Variants in STAB2 observed in about 807,000 individuals in gnomAD.
STAB2 encodes stabilin-2.
A neutral mutation model predicts 338.1 loss-of-function variants in STAB2; 288 were observed. The ratio of observed to expected loss-of-function variants is 0.85; its 90% CI spans 0.77 to 0.94. The LOEUF (loss-of-function observed/expected upper bound fraction) is 0.94, where lower values mean the gene tolerates loss of function less well. Among genes scored for constraint, STAB2 ranks in the 40% least tolerant of loss-of-function variants. The probability of loss-of-function intolerance (pLI) is 0.00; values close to 1 mark genes in which losing one functional copy is unlikely to be tolerated. For missense variants in STAB2, 3,141 were observed against 3,210.1 expected (o/e 0.98, Z 0.52); for synonymous variants, 1,202 against 1,193.3 (o/e 1.01, Z -0.15).
chr12:103,669,370 G>A, intron 20 of STAB2, 171 bp from the exon 21 acceptor site: 1 of 611,148 alleles, frequency 1.6e-6, no homozygotes. Context: ...TAGAGTTGTG[G>A]TGACCAGATG....
rs77784802 is a variant in STAB2 at position 103,669,390 on chromosome 12, T to A, written c.2173-151T>A. 2.3e-3 allele frequency: 1,508 copies of A among 655,410 alleles called. 15 individuals are homozygous for A. In the African/African-American group the frequency reaches 0.024, roughly 10 times the overall value. The allele number at this position is 655,410 out of a possible 1,614,324, so 40.6% of individuals were successfully genotyped here. On this transcript the variant is annotated intron_variant, in intron 20 of 68. Transcript: ENST00000388887. Reference sequence around the variant, plus strand: ...TTGTGGTGACCAGATGACTGAGCACTAGCCATGCCATCAACTGCCAAAGAA... The same window carrying A: ...TTGTGGTGACCAGATGACTGAGCACAAGCCATGCCATCAACTGCCAAAGAA...
rs1420641663 is a variant in STAB2 at position 103,733,030 on chromosome 12, A to G, written c.5308A>G (p.Thr1770Ala). 1.9e-6 allele frequency: 3 copies of G among 1,613,820 alleles called. No individual in the cohort carries two copies. Among genetic ancestry groups the G allele is most frequent in the Non-Finnish European group, 2.5e-6 (3 of 1,179,924 alleles). Residue 1770 changes from threonine to alanine, a missense_variant, in exon 51 of 69, where the codon ACC becomes GCC. Coordinates refer to ENST00000388887, the MANE Select transcript of STAB2 (RefSeq NM_017564.10). Reference sequence around the variant, plus strand: ...GGACTCAGGTTTGCTGAGTGTCATCACCGATCCCATCCACACCCCAGTCAC... The same window carrying G: ...GGACTCAGGTTTGCTGAGTGTCATCGCCGATCCCATCCACACCCCAGTCAC... The part of the protein sequence containing the change: ...IQDSGLLSVI[T>A]DPIHTPVTLF...
At chr12:103,743,269 G>A (rs1566067381) in intron 56 of STAB2, among the ~76,000 whole-genome samples, 1 of 152,090 alleles carries the variant, frequency 6.6e-6, no homozygotes, top group South Asian at 2.1e-4. Flanking sequence ...TGATCCACCC[G>A]CCTCAGCCTC....
intron 44 of STAB2, among the ~76,000 whole-genome samples, chr12:103,721,274 T>A (rs1880741132): frequency 6.6e-6 from 1 of 152,132 alleles, no homozygotes; most frequent in African/African-American, 2.4e-5. Flanking sequence ...TTCCTGAATG[T>A]TAAGAAGCGG....
chr12:103,634,569 T>G (rs922470843), intron 6 of STAB2, among the ~76,000 whole-genome samples: 4 of 152,256 alleles, frequency 2.6e-5, no homozygotes, highest in African/African-American at 9.6e-5. Flanking sequence ...CATGTCACTT[T>G]TTCAAATGGC....
intron 55 of STAB2, among the ~76,000 whole-genome samples, chr12:103,741,679 T>C (rs1882595965): frequency 5.3e-5 from 8 of 152,202 alleles, no homozygotes; most frequent in Admixed American, 3.9e-4. Context: ...GGTCTCAAAC[T>C]CCTGAGCTCA....
chr12:103,749,841 C>CAGAAA (rs1883451814), intron 59 of STAB2, among the ~76,000 whole-genome samples: 1 of 51,132 alleles, frequency 2.0e-5, no homozygotes, highest in Non-Finnish European at 3.5e-5. Flanking sequence ...CTCTGTCTCA[C>CAGAAA]AAAAAAAAAA....
At chr12:103,642,155 G>A (rs559693425) in intron 9 of STAB2, among the ~76,000 whole-genome samples, 264 of 152,294 alleles carry the variant, frequency 1.7e-3, no homozygotes, top group Non-Finnish European at 2.9e-3. Flanking sequence ...TCTGCCTGTG[G>A]AGAGCTAATG....
intron 49 of STAB2, 66 bp downstream of exon 49, chr12:103,730,322 T>A: frequency 6.5e-7 from 1 of 1,527,886 alleles, no homozygotes; most frequent in South Asian, 1.2e-5. Flanking sequence ...TCTATTCTGA[T>A]TCGAAGTCAT....
At chr12:103,697,035 A>G (rs937359220) in intron 33 of STAB2, among the ~76,000 whole-genome samples, 8 of 152,156 alleles carry the variant, frequency 5.3e-5, no homozygotes, top group African/African-American at 1.9e-4. Context: ...TTTCTTATTT[A>G]ATAAGGAAAT....
chr12:103,690,525 C>T lies in STAB2; in HGVS notation c.3284C>T (p.Ala1095Val). Residue 1095 changes from alanine (A) to valine (V), a missense_variant, in exon 30 of 69, where the codon GCA (alanine) becomes GTA (valine). By Grantham distance (64) the Ala-to-Val change is moderately conservative. Coordinates refer to ENST00000388887, the MANE Select transcript of STAB2 (RefSeq NM_017564.10). ...TSLQGNFLHL[A>V]KVDGNITIEG... is the part of the protein sequence containing the mutation. ...TTGCAGGGCAACTTCCTTCACTTGG[C>T]AAAGGTGGATGGGGTAAGAGCTCTG... is the stretch of plus-strand genomic sequence containing the variant. 2.5e-6 allele frequency: 4 copies of T among 1,613,954 alleles called. No homozygotes were observed. In the South Asian group the frequency reaches 4.4e-5, roughly 18 times the overall value.
chr12:103,709,362 G>T (rs371817851), intron 39 of STAB2, among the ~76,000 whole-genome samples: 4 of 152,214 alleles, frequency 2.6e-5, no homozygotes, highest in Non-Finnish European at 5.9e-5. Flanking sequence ...GCCGTGAAAC[G>T]CTAAGGAGGT....
intron 43 of STAB2, 99 bp downstream of exon 43, chr12:103,715,987 A>C: frequency 8.1e-7 from 1 of 1,242,192 alleles, no homozygotes; most frequent in East Asian, 2.4e-5. Flanking sequence ...CGGACCTCTA[A>C]AGAGCTGCAG....
chr12:103,679,671 A>G (rs149465322), intron 25 of STAB2, among the ~76,000 whole-genome samples: 2 of 152,308 alleles, frequency 1.3e-5, no homozygotes, highest in African/African-American at 4.8e-5. Flanking sequence ...AAACTCAATT[A>G]CTTGTGGAAG....
Position 103,594,421 on chromosome 12 carries a change from C to T in STAB2, c.242C>T (p.Ser81Phe), listed in dbSNP as rs1483220522. 6.2e-7 allele frequency: 1 copy of T among 1,613,904 alleles called. No individual in the cohort carries two copies. The highest frequency in any genetic ancestry group is 8.5e-7 in the Non-Finnish European group (1 of 1,179,830). The change falls in exon 3 of 69, where the codon TCT becomes TTT. Residue 81 changes from serine to phenylalanine, a missense_variant. By Grantham distance (155) the Ser-to-Phe change is radical. Transcript: ENST00000388887. ...TACACCTTTGAGGTCAGAACATACT[C>T]TCTGTCTCTCCCCGGATGCCGCCAT... ...CRYTFEVRTY[S>F]LSLPGCRHIC...
intron 34 of STAB2, 38 bp downstream of exon 34, chr12:103,699,265 G>T: frequency 6.3e-7 from 1 of 1,584,760 alleles, no homozygotes; most frequent in Non-Finnish European, 8.6e-7. Flanking sequence ...CAATGCCACC[G>T]AGAATTACAT....
intron 28 of STAB2, among the ~76,000 whole-genome samples, chr12:103,688,618 C>T (rs1189543574): frequency 5.9e-5 from 9 of 152,204 alleles, no homozygotes; most frequent in Non-Finnish European, 1.5e-5. Context: ...CTGCCAAGCC[C>T]AGCCAGCCAT....
At chr12:103,736,238 T>C (rs2139100807) in intron 52 of STAB2, among the ~76,000 whole-genome samples, 1 of 152,246 alleles carries the variant, frequency 6.6e-6, no homozygotes, top group Admixed American at 6.5e-5. Flanking sequence ...CAGCACACGG[T>C]TCAAGCCTCT....
At chr12:103,672,458 T>C (rs1402139496) in intron 22 of STAB2, among the ~76,000 whole-genome samples, 2 of 152,030 alleles carry the variant, frequency 1.3e-5, no homozygotes, top group African/African-American at 2.4e-5. Context: ...CATACAGGGG[T>C]CTCGTACCTT....
Sources: allele counts gnomAD v4.1 joint callset (sites outside exome capture counted in the v4.1 genomes callset), GRCh38; gene constraint gnomAD v4.1.1; transcripts MANE v1.5; gene names NCBI Gene and HGNC (gene_info 2026-07-23, HGNC 2026-07-21).